ACTR3: variants seen among roughly 807,000 people sequenced by gnomAD.
ACTR3 encodes actin related protein 3, also known as actin-related protein 3.
A neutral mutation model predicts 56.8 loss-of-function variants in ACTR3; 12 were observed. That is an observed-to-expected ratio of 0.21 (90% CI 0.14 to 0.34). The LOEUF is 0.34. Ranked by LOEUF, ACTR3 falls within the 10% of genes least tolerant of loss-of-function variation. ACTR3 has a pLI of 1.00. For missense variants in ACTR3, 282 were observed against 512.5 expected (o/e 0.55, Z 4.34); for synonymous variants, 162 against 167.4 (o/e 0.97, Z 0.25).
intron 4 of ACTR3, 111 bp from the exon 5 acceptor site, chr2:113,931,190 A>G: frequency 3.3e-6 from 2 of 603,592 alleles, no homozygotes; most frequent in Non-Finnish European, 2.7e-6. Flanking sequence ...TGTAAATTTA[A>G]TGCATTTTAA....
At chr2:113,934,113 T>C (rs1679776503) in intron 5 of ACTR3, 166 bp from the exon 6 acceptor site, 2 of 568,054 alleles carry the variant, frequency 3.5e-6, no homozygotes, top group Non-Finnish European at 6.1e-6. Flanking sequence ...GTGAGCTATT[T>C]TATTGCATAA....
chr2:113,920,179 TC>T (rs1335857559), intron 3 of ACTR3, among the ~76,000 whole-genome samples: 1 of 152,214 alleles, frequency 6.6e-6, no homozygotes, highest in African/African-American at 2.4e-5. Context: ...CACCTTGGCC[TC>T]CCAAAGTGCT....
At chr2:113,906,453 A>G (rs1006476264) in intron 1 of ACTR3, among the ~76,000 whole-genome samples, 1 of 152,102 alleles carries the variant, frequency 6.6e-6, no homozygotes, top group African/African-American at 2.4e-5. Flanking sequence ...GTCCTTTGAT[A>G]CACAAGTTTT....
chr2:113,889,998 A>G (rs535188294), upstream of ACTR3: 10 of 518,486 alleles, frequency 1.9e-5, no homozygotes, highest in Middle Eastern at 4.9e-4. Context: ...GAGGGGAAGA[A>G]GTTGTAGGGT....
At chr2:113,939,173 G>A (rs1170781760) in intron 6 of ACTR3, among the ~76,000 whole-genome samples, 3 of 151,694 alleles carry the variant, frequency 2.0e-5, no homozygotes, top group Non-Finnish European at 2.9e-5. Context: ...ACAGGCGCGC[G>A]CCACCATGCC....
intron 8 of ACTR3, among the ~76,000 whole-genome samples, chr2:113,944,397 G>A (rs1187118639): frequency 6.6e-6 from 1 of 151,934 alleles, no homozygotes; most frequent in Non-Finnish European, 1.5e-5. Flanking sequence ...ACTAGGAAGG[G>A]CAGAAGCACA....
At position 113,890,179 on chromosome 2, in the gene ACTR3, AG is replaced by A. The variant is rs1678856379; in HGVS notation, c.-100del. The A allele has an allele frequency of 6.7e-7, 1 of 1,481,754 alleles. No homozygotes were observed. The highest frequency in any genetic ancestry group is 1.4e-5 in the African/African-American group (1 of 71,190). The allele number at this position is 1,481,754 out of a possible 1,614,324, so 91.8% of individuals were successfully genotyped here. ...ACCCCCCGGACGGTGAAGGCGGCCC[AG>A]CTGTGGATGGTCAGATAGCCCTTGT... On this transcript the variant is annotated 5_prime_UTR_variant, in exon 1 of 12. Coordinates refer to ENST00000263238, the MANE Select transcript of ACTR3 (RefSeq NM_005721.5).
Position 113,957,407 on chromosome 2 carries a change from T to C in ACTR3, c.1209T>C (p.Ile403=). Residue 403 remains isoleucine (I), a synonymous_variant, in exon 12 of 12, where the codon ATT becomes ATC. Coordinates refer to ENST00000263238, the MANE Select transcript of ACTR3 (RefSeq NM_005721.5). ...ACACCAAAAAGGATTATGAAGAAAT[T>C]GGACCTAGCATTTGTCGTCACAATC... ...VCHTKKDYEE[I]GPSICRHNPV... The C allele has an allele frequency of 1.9e-6, 3 of 1,613,490 alleles. No homozygotes were observed. The highest frequency in any genetic ancestry group is 2.5e-6 in the Non-Finnish European group (3 of 1,179,628).
At chr2:113,909,011 T>C (rs998713840) in intron 1 of ACTR3, among the ~76,000 whole-genome samples, 9 of 152,190 alleles carry the variant, frequency 5.9e-5, no homozygotes, top group African/African-American at 2.2e-4. Flanking sequence ...ATGATTATTA[T>C]CAAATGCTGT....
intron 1 of ACTR3, among the ~76,000 whole-genome samples, chr2:113,911,991 C>T (rs1158982139): frequency 6.6e-6 from 1 of 152,164 alleles, no homozygotes; most frequent in Non-Finnish European, 1.5e-5. Flanking sequence ...CCACCTGCCT[C>T]AGCCTCCCAA....
intron 10 of ACTR3, chr2:113,952,578 A>T: frequency 6.6e-6 from 1 of 152,310 alleles, no homozygotes. Flanking sequence ...ATAATCATTC[A>T]GAATTACTTA....
chr2:113,905,281 A>G (rs920861444), intron 1 of ACTR3: 28 of 152,124 alleles, frequency 1.8e-4, no homozygotes, highest in Admixed American at 1.5e-3. Context: ...CCTGGCCAAC[A>G]TGGTGAAACC....
At chr2:113,926,990 G>A (rs1679633114) in intron 3 of ACTR3, among the ~76,000 whole-genome samples, 1 of 152,178 alleles carries the variant, frequency 6.6e-6, no homozygotes, top group Non-Finnish European at 1.5e-5. Flanking sequence ...TAAGGAAATT[G>A]TGATAAAGTA....
chr2:113,915,133 C>T (rs1319134205), intron 2 of ACTR3, among the ~76,000 whole-genome samples: 1 of 152,200 alleles, frequency 6.6e-6, no homozygotes, highest in Non-Finnish European at 1.5e-5. Flanking sequence ...TATGTACTTA[C>T]TGGTTTCTTT....
intron 1 of ACTR3, among the ~76,000 whole-genome samples, chr2:113,895,724 G>A (rs1374620502): frequency 2.0e-5 from 3 of 152,086 alleles, no homozygotes; most frequent in Non-Finnish European, 4.4e-5. Flanking sequence ...TTATTTACGG[G>A]TAGCAAAGGC....
chr2:113,897,608 CCTCCGT>C (rs1461031200), intron 1 of ACTR3, among the ~76,000 whole-genome samples: 1 of 145,760 alleles, frequency 6.9e-6, no homozygotes, highest in Admixed American at 7.1e-5. Flanking sequence ...CTTGCTGAAA[CCTCCGT>C]CTCCAGGGTT....
At chr2:113,954,658 C>T (rs2104632060) in intron 10 of ACTR3, 1 of 144,042 alleles carries the variant, frequency 6.9e-6, no homozygotes, top group African/African-American at 2.6e-5. Flanking sequence ...GCAGCCACAT[C>T]TTTTTTTTTG....
chr2:113,936,302 C>CA (rs61526382), intron 6 of ACTR3, among the ~76,000 whole-genome samples: 10,486 of 77,626 alleles, frequency 0.14, 633 homozygotes, highest in East Asian at 0.17. Context: ...ACCCTGTCTC[C>CA]AAAAAAAAAA....
chr2:113,920,723 C>T (rs1679492103), intron 3 of ACTR3, among the ~76,000 whole-genome samples: 2 of 152,158 alleles, frequency 1.3e-5, no homozygotes, highest in African/African-American at 4.8e-5. Flanking sequence ...AGCTTTTGCA[C>T]ATGAATGAGA....
Sources: gnomAD v4.1 joint callset for allele counts (sites outside exome capture counted in the v4.1 genomes callset) on GRCh38, gnomAD v4.1.1 for gene constraint, MANE v1.5 for transcripts, NCBI Gene and HGNC (gene_info 2026-07-23, HGNC 2026-07-21) for gene names.